The following AGPAT5 variants were observed in gnomAD, a reference collection of about 807,000 sequenced individuals.
AGPAT5 encodes the protein 1-acyl-sn-glycerol-3-phosphate acyltransferase epsilon.
In AGPAT5, 46 loss-of-function variants were observed where a neutral mutation model predicts 45.6. The observed-to-expected ratio is 1.01, with a 90% CI of 0.80 to 1.29. AGPAT5 has a LOEUF of 1.29. Among genes scored for constraint, AGPAT5 ranks in the 50% most tolerant of loss-of-function variants. The pLI is 0.00. For missense variants in AGPAT5, 673 were observed against 450.7 expected (o/e 1.49, Z -4.47); for synonymous variants, 272 against 167.0 (o/e 1.63, Z -4.85).
At chr8:6,714,534 A>T (rs955258700) in intron 1 of AGPAT5, among the ~76,000 whole-genome samples, 2 of 152,236 alleles carry the variant, frequency 1.3e-5, no homozygotes, top group Non-Finnish European at 2.9e-5. Context: ...TAGTTTTTTA[A>T]TGCCTGATTT....
intron 6 of AGPAT5, 43 bp downstream of exon 6, chr8:6,747,871 A>G (rs549006543): frequency 1.6e-5 from 25 of 1,576,492 alleles, no homozygotes; most frequent in Non-Finnish European, 2.0e-5. Flanking sequence ...CACGGTATAT[A>G]CAGTGCACAT....
intron 6 of AGPAT5, among the ~76,000 whole-genome samples, chr8:6,751,951 G>C (rs1452034480): frequency 1.3e-5 from 2 of 152,092 alleles, no homozygotes; most frequent in Non-Finnish European, 2.9e-5. Context: ...TGCTGAGGCG[G>C]GTGGATCACA....
intron 1 of AGPAT5, among the ~76,000 whole-genome samples, chr8:6,724,546 T>G (rs536756244): frequency 6.6e-6 from 1 of 152,366 alleles, no homozygotes; most frequent in South Asian, 2.1e-4. Context: ...TTTACTAGAT[T>G]GATTGTGGGC....
intron 7 of AGPAT5, among the ~76,000 whole-genome samples, chr8:6,756,132 T>C (rs1801824181): frequency 6.6e-6 from 1 of 152,222 alleles, no homozygotes; most frequent in African/African-American, 2.4e-5. Context: ...GATTATTATA[T>C]CGGGTATGTT....
intron 1 of AGPAT5, among the ~76,000 whole-genome samples, chr8:6,720,136 A>T (rs1043863000): frequency 1.3e-5 from 2 of 152,166 alleles, no homozygotes; most frequent in Non-Finnish European, 2.9e-5. Context: ...CTTCCAGTAC[A>T]TTCTGGAGAA....
chr8:6,709,506 A>G (rs1291275161), intron 1 of AGPAT5: 1 of 152,002 alleles, frequency 6.6e-6, no homozygotes, highest in Non-Finnish European at 1.5e-5. Flanking sequence ...ATTAAACTTG[A>G]GAAACAAACC....
At chr8:6,734,598 G>A (rs968334162) in intron 4 of AGPAT5, among the ~76,000 whole-genome samples, 3 of 152,118 alleles carry the variant, frequency 2.0e-5, no homozygotes, top group Admixed American at 6.5e-5. Flanking sequence ...CCATATCTGA[G>A]TCTGCAAATT....
intron 1 of AGPAT5, among the ~76,000 whole-genome samples, chr8:6,719,474 T>C (rs1476766421): frequency 6.6e-6 from 1 of 152,240 alleles, no homozygotes; most frequent in Non-Finnish European, 1.5e-5. Flanking sequence ...GAATTCCTAC[T>C]CATCAAAATT....
intron 4 of AGPAT5, among the ~76,000 whole-genome samples, chr8:6,736,114 A>G (rs1318776943): frequency 6.6e-6 from 1 of 152,126 alleles, no homozygotes; most frequent in Non-Finnish European, 1.5e-5. Context: ...GGCCCCCCAC[A>G]GTGCTGGGAT....
At chr8:6,730,239 A>G (rs1489852243) in intron 2 of AGPAT5, among the ~76,000 whole-genome samples, 1 of 151,522 alleles carries the variant, frequency 6.6e-6, no homozygotes, top group Non-Finnish European at 1.5e-5. Flanking sequence ...AAAAAAAAAA[A>G]GCTCAAAAAA....
At chr8:6,746,885 TAGGA>T (rs1233673069) in intron 5 of AGPAT5, among the ~76,000 whole-genome samples, 1 of 152,170 alleles carries the variant, frequency 6.6e-6, no homozygotes, top group Non-Finnish European at 1.5e-5. Context: ...AGGGAGGTAA[TAGGA>T]AGGAGAGAAG....
chr8:6,721,204 C>T (rs764167987), intron 1 of AGPAT5, among the ~76,000 whole-genome samples: 3 of 152,098 alleles, frequency 2.0e-5, no homozygotes, highest in Admixed American at 6.6e-5. Flanking sequence ...TGCTTTACAG[C>T]AGAAATCTTA....
intron 6 of AGPAT5, among the ~76,000 whole-genome samples, chr8:6,748,229 C>G (rs1211178865): frequency 6.6e-6 from 1 of 152,052 alleles, no homozygotes; most frequent in Non-Finnish European, 1.5e-5. Context: ...GTCATTGTGA[C>G]AAGAAGAAAT....
chr8:6,729,555 G>A (rs775191646), intron 2 of AGPAT5, among the ~76,000 whole-genome samples: 3 of 152,048 alleles, frequency 2.0e-5, no homozygotes, highest in Non-Finnish European at 4.4e-5. Flanking sequence ...ATAGTTTGTA[G>A]CCATTTACTT....
Position 6,758,919 on chromosome 8 carries a change from T to G in AGPAT5, c.*1531T>G, listed in dbSNP as rs1429169035. 6.6e-6 allele frequency: 1 copy of G among 152,546 alleles called. No individual in the cohort carries two copies. Among genetic ancestry groups the G allele is most frequent in the Non-Finnish European group, 1.5e-5 (1 of 68,026 alleles). The allele number at this position is 152,546 out of a possible 1,614,324, so 9.4% of individuals were successfully genotyped here. ...ACCAGTTGGATCATGATAAGCAAAA[T>G]GAAAGAAATAATGATTAAGGGAAAA... On this transcript the variant is annotated 3_prime_UTR_variant, in exon 8 of 8. Transcript: ENST00000285518.
At chr8:6,732,426 G>C in intron 3 of AGPAT5, 135 bp from the exon 4 acceptor site, 1 of 554,430 alleles carries the variant, frequency 1.8e-6, no homozygotes, top group Non-Finnish European at 3.0e-6. Context: ...AATGTTTGAA[G>C]ATATTAAATA....
chr8:6,739,654 A>G (rs1456706692), intron 4 of AGPAT5, among the ~76,000 whole-genome samples: 2 of 152,112 alleles, frequency 1.3e-5, no homozygotes, highest in East Asian at 3.8e-4. Flanking sequence ...CTTACAAAAT[A>G]TATTCCTTAG....
chr8:6,725,974 T>G (rs188144853), intron 2 of AGPAT5, among the ~76,000 whole-genome samples: 1 of 152,346 alleles, frequency 6.6e-6, no homozygotes, highest in East Asian at 1.9e-4. Context: ...AATGCATTTT[T>G]CTCAATTTAG....
At chr8:6,737,440 C>A (rs1236929902) in intron 4 of AGPAT5, among the ~76,000 whole-genome samples, 6 of 152,126 alleles carry the variant, frequency 3.9e-5, no homozygotes, top group Non-Finnish European at 1.5e-5. Flanking sequence ...TTAAGAAATG[C>A]AGAATTTTGT....
Sources: allele counts gnomAD v4.1 joint callset (sites outside exome capture counted in the v4.1 genomes callset), GRCh38; gene constraint gnomAD v4.1.1; transcripts MANE v1.5; gene names NCBI Gene and HGNC (gene_info 2026-07-23, HGNC 2026-07-21).